The following C3orf22 variants were observed in gnomAD, a reference collection of about 807,000 sequenced individuals.
The protein encoded by C3orf22 is chromosome 3 open reading frame 22.
C3orf22 carries 7 observed loss-of-function variants against 10.8 expected under a neutral mutation model. The ratio of observed to expected loss-of-function variants is 0.65; its 90% CI spans 0.37 to 1.22. C3orf22 has a LOEUF of 1.22. Among genes scored for constraint, C3orf22 ranks in the 50% most tolerant of loss-of-function variants. C3orf22 has a pLI of 0.02. For missense variants in C3orf22, 173 were observed against 177.0 expected (o/e 0.98, Z 0.13); for synonymous variants, 79 against 78.9 (o/e 1.00, Z 0.00).
chr3:126,538,663 G>A (rs1480955322), intron 4 of C3orf22, among the ~76,000 whole-genome samples: 1 of 152,162 alleles, frequency 6.6e-6, no homozygotes, highest in East Asian at 1.9e-4. Context: ...CTTGGCTGTG[G>A]GCCCCGGGGG....
Position 126,553,417 on chromosome 3 carries a change from C to T in C3orf22, c.-27G>A. 5 of 1,608,756 alleles carry T rather than the reference C, an allele frequency of 3.1e-6. No homozygotes were observed. The highest frequency in any genetic ancestry group is 4.3e-6 in the Non-Finnish European group (5 of 1,175,410). On this transcript the variant is annotated 5_prime_UTR_variant, in exon 2 of 4. The change creates a new upstream start codon in the 5' untranslated region. Transcript: ENST00000318225. ...ACTGAGTGGGTTAAGCTGAGGCACA[C>T]CTCTCAGCCATGGCTGGAAGACAAG...
At chr3:126,545,323 G>T (rs1270823699), downstream of C3orf22, among the ~76,000 whole-genome samples, 2 of 152,242 alleles carry the variant, frequency 1.3e-5, no homozygotes, top group African/African-American at 4.8e-5. Context: ...ACACCTCCCA[G>T]GATGGGGTGC....
downstream of C3orf22, among the ~76,000 whole-genome samples, chr3:126,547,361 G>C (rs1300955931): frequency 1.3e-5 from 2 of 152,176 alleles, no homozygotes; most frequent in Non-Finnish European, 2.9e-5. Context: ...GCAGCTTCCT[G>C]GGGGCTCATT....
At chr3:126,540,938 A>G (rs765448260) in intron 4 of C3orf22, among the ~76,000 whole-genome samples, 3 of 152,202 alleles carry the variant, frequency 2.0e-5, no homozygotes. Flanking sequence ...ACTTTCTTTT[A>G]TGAACTCTTA....
At chr3:126,542,197 C>A (rs764873281) in intron 4 of C3orf22, 2 of 1,440,768 alleles carry the variant, frequency 1.4e-6, no homozygotes, top group South Asian at 2.7e-5. Context: ...CGCTCCCCGA[C>A]GCCCGGGCCC....
chr3:126,554,963 G>A (rs555635962), intron 1 of C3orf22, among the ~76,000 whole-genome samples: 4 of 152,196 alleles, frequency 2.6e-5, no homozygotes, highest in Admixed American at 1.3e-4. Flanking sequence ...TGTCCGAGAC[G>A]GCAGCTGCTG....
intron 1 of C3orf22, among the ~76,000 whole-genome samples, chr3:126,555,413 G>A (rs35372512): frequency 0.35 from 53,800 of 152,046 alleles, 9,918 homozygotes; most frequent in African/African-American, 0.46. Flanking sequence ...GACCTGACAC[G>A]GTGCAGGCTA....
chr3:126,546,774 T>C (rs1937075833), downstream of C3orf22, among the ~76,000 whole-genome samples: 1 of 152,182 alleles, frequency 6.6e-6, no homozygotes, highest in African/African-American at 2.4e-5. Context: ...GGTTGCCAGC[T>C]CAAGGGTACA....
chr3:126,533,052 G>A (rs1560138535), intron 4 of C3orf22, among the ~76,000 whole-genome samples: 1 of 152,072 alleles, frequency 6.6e-6, no homozygotes, highest in Non-Finnish European at 1.5e-5. Context: ...CTAGTATATA[G>A]AATATAATTG....
chr3:126,549,358 A>T (rs1576244888), downstream of C3orf22, among the ~76,000 whole-genome samples: 1 of 152,120 alleles, frequency 6.6e-6, no homozygotes, highest in Non-Finnish European at 1.5e-5. Flanking sequence ...ATTGTAACAG[A>T]CCTGTACATC....
chr3:126,550,111 T>G (rs781543989), intron 3 of C3orf22, 33 bp from the exon 4 acceptor site: 1 of 1,609,526 alleles, frequency 6.2e-7, no homozygotes, highest in African/African-American at 1.3e-5. Context: ...CGCCTGGCCT[T>G]CAGGACCCCT....
At chr3:126,556,347 G>A (rs1048461346) in intron 1 of C3orf22, among the ~76,000 whole-genome samples, 8 of 152,136 alleles carry the variant, frequency 5.3e-5, no homozygotes, top group Non-Finnish European at 1.2e-4. Context: ...GCTGTGCTCT[G>A]CACAGTCACC....
rs1936990959 is a variant in C3orf22, at chr3:126,542,559, C to T, written c.286+6978G>A. 3.3e-6 allele frequency: 5 copies of T among 1,503,904 alleles called. No homozygotes were observed. Among genetic ancestry groups the T allele is most frequent in the Non-Finnish European group, 2.7e-6 (3 of 1,130,546 alleles). 93.2% of individuals were successfully genotyped at this position (1,503,904 alleles called of 1,614,324 possible). On this transcript the variant is annotated intron_variant and NMD_transcript_variant, in intron 4 of 5. Coordinates refer to the C3orf22 transcript ENST00000505070. Reference sequence around the variant, plus strand: ...CTGCTTTTCAACTACTCCGCCCCCTCCTACCTGCGGCTGCTCTAGCGGTCC... The same window carrying T: ...CTGCTTTTCAACTACTCCGCCCCCTTCTACCTGCGGCTGCTCTAGCGGTCC...
At chr3:126,544,860 C>T (rs964669062), downstream of C3orf22, among the ~76,000 whole-genome samples, 15 of 152,264 alleles carry the variant, frequency 9.9e-5, no homozygotes, top group Admixed American at 5.9e-4. Context: ...GTCACCCAGA[C>T]GCTGTGCCCA....
At chr3:126,547,216 G>A (rs150831578), downstream of C3orf22, among the ~76,000 whole-genome samples, 1,134 of 152,328 alleles carry the variant, frequency 7.4e-3, 11 homozygotes, top group Non-Finnish European at 1.0e-2. Flanking sequence ...CAGGGCCCAT[G>A]TTGCTATCTG....
At chr3:126,552,278 G>A in intron 2 of C3orf22, 156 bp from the exon 3 acceptor site, 3 of 711,164 alleles carry the variant, frequency 4.2e-6, no homozygotes, top group Non-Finnish European at 5.2e-6. Flanking sequence ...TGAGGCAGGT[G>A]TTACCCACAC....
At chr3:126,542,021 C>T in intron 4 of C3orf22, 15 of 1,568,260 alleles carry the variant, frequency 9.6e-6, no homozygotes, top group Non-Finnish European at 1.2e-5. Flanking sequence ...CGACTTCAGC[C>T]CCGCCGAGAT....
downstream of C3orf22, among the ~76,000 whole-genome samples, chr3:126,548,933 A>C (rs1200548676): frequency 6.6e-6 from 1 of 152,166 alleles, no homozygotes; most frequent in African/African-American, 2.4e-5. Flanking sequence ...AAGGCTGCAA[A>C]GTGTCCTGAT....
At chr3:126,544,027 T>G (rs1001218876) in intron 4 of C3orf22, among the ~76,000 whole-genome samples, 5 of 152,226 alleles carry the variant, frequency 3.3e-5, no homozygotes, top group Non-Finnish European at 7.3e-5. Flanking sequence ...AAAACTCATG[T>G]TGAAATTTAA....
Sources: allele counts gnomAD v4.1 joint callset (sites outside exome capture counted in the v4.1 genomes callset), GRCh38; gene constraint gnomAD v4.1.1; transcripts MANE v1.5; gene names NCBI Gene and HGNC (gene_info 2026-07-23, HGNC 2026-07-21).